UBE2R2: variants seen among roughly 807,000 people sequenced by gnomAD.
UBE2R2 encodes the protein ubiquitin-conjugating enzyme E2 R2.
Under a neutral mutation model 27.8 loss-of-function variants are expected in UBE2R2, and 1 was observed. That is an observed-to-expected ratio of 0.04 (90% CI 0.01 to 0.17). The LOEUF (loss-of-function observed/expected upper bound fraction) is 0.17, where lower values mean the gene tolerates loss of function less well. Ranked by LOEUF, UBE2R2 falls within the 10% of genes least tolerant of loss-of-function variation. The probability of loss-of-function intolerance (pLI) is 1.00; values close to 1 mark genes in which losing one functional copy is unlikely to be tolerated. For missense variants in UBE2R2, 100 were observed against 291.0 expected (o/e 0.34, Z 4.78); for synonymous variants, 106 against 113.3 (o/e 0.94, Z 0.41).
intron 1 of UBE2R2, among the ~76,000 whole-genome samples, chr9:33,841,816 A>G (rs138319586): frequency 2.0e-5 from 3 of 152,236 alleles, no homozygotes; most frequent in East Asian, 3.9e-4. Context: ...TTTCTCGTAT[A>G]TTACACAGTA....
chr9:33,874,927 C>CA (rs1314507056), intron 1 of UBE2R2, among the ~76,000 whole-genome samples: 3 of 152,016 alleles, frequency 2.0e-5, no homozygotes, highest in Non-Finnish European at 2.9e-5. Flanking sequence ...CTCAGCCTCG[C>CA]AAGGTGCTGG....
chr9:33,822,883 T>G (rs1305228074), intron 1 of UBE2R2, among the ~76,000 whole-genome samples: 2 of 150,980 alleles, frequency 1.3e-5, no homozygotes, highest in Non-Finnish European at 2.9e-5. Flanking sequence ...TATTTCTTTT[T>G]TTTCTTTTTC....
chr9:33,843,676 A>G (rs560981959), intron 1 of UBE2R2, among the ~76,000 whole-genome samples: 1 of 152,046 alleles, frequency 6.6e-6, no homozygotes, highest in South Asian at 2.1e-4. Context: ...ATGGGGTTTC[A>G]CCATGTTGTC....
chr9:33,886,910 C>T lies in UBE2R2; in HGVS notation c.207C>T (p.Pro69=), dbSNP rs754546514. The T allele has an allele frequency of 2.5e-6, 4 of 1,600,798 alleles. No homozygotes were observed. The African/African-American group carries it at 5.4e-5, about 22-fold the overall frequency. Residue 69 remains proline (P), a synonymous_variant, in exon 2 of 5, where the codon CCC becomes CCT. Transcript: ENST00000263228. ...KAHIKFPIDY[P]YSPPTFRFLT... ...ATATTAAATTTCCTATTGACTACCC[C>T]TATTCACCACCTACCTTCAGATTCT...
intron 1 of UBE2R2, among the ~76,000 whole-genome samples, chr9:33,862,846 CTTTTA>C (rs61610127): frequency 0.079 from 11,948 of 152,122 alleles, 659 homozygotes; most frequent in Non-Finnish European, 0.12. Flanking sequence ...AATTGTTTAA[CTTTTA>C]TTTTATAAAA....
At chr9:33,849,339 C>A (rs963082147) in intron 1 of UBE2R2, among the ~76,000 whole-genome samples, 4 of 152,068 alleles carry the variant, frequency 2.6e-5, no homozygotes, top group Non-Finnish European at 1.5e-5. Context: ...ATATCCTTAT[C>A]TTTTTGTGTG....
intron 1 of UBE2R2, among the ~76,000 whole-genome samples, chr9:33,873,458 T>A (rs1821532106): frequency 6.6e-6 from 1 of 152,176 alleles, no homozygotes. Flanking sequence ...AATAAAAGGT[T>A]ACTGCAGAAA....
At chr9:33,890,479 ATCGGC>A (rs1821955146) in intron 2 of UBE2R2, among the ~76,000 whole-genome samples, 1 of 152,132 alleles carries the variant, frequency 6.6e-6, no homozygotes, top group Non-Finnish European at 1.5e-5. Flanking sequence ...AGGCAGGAGA[ATCGGC>A]TTGAACCCGG....
intron 1 of UBE2R2, among the ~76,000 whole-genome samples, chr9:33,842,974 C>T (rs906653450): frequency 5.0e-5 from 7 of 140,840 alleles, no homozygotes; most frequent in African/African-American, 1.1e-4. Context: ...AGGCTGTGAT[C>T]GTGCTACTGC....
chr9:33,881,492 CT>C (rs1821731525), intron 1 of UBE2R2, among the ~76,000 whole-genome samples: 1 of 152,188 alleles, frequency 6.6e-6, no homozygotes, highest in Admixed American at 6.6e-5. Flanking sequence ...ATATCATCAT[CT>C]TATTTCAGAG....
Position 33,913,343 on chromosome 9 carries a change from C to G in UBE2R2, c.497+1245C>G, listed in dbSNP as rs373812456. 1.0e-3 allele frequency among the ~76,000 whole-genome samples: 157 copies of G among 152,288 alleles called. 2 individuals are homozygous for G. In the Middle Eastern group the frequency reaches 0.034, roughly 33 times the overall value. On this transcript the variant is annotated intron_variant, in intron 4 of 4. Coordinates refer to ENST00000263228, the MANE Select transcript of UBE2R2 (RefSeq NM_017811.4). ...CAATGGTGTGATTACATGGTAACTT[C>G]AAATTCCCGGGCTCAGGCAGTCCTC...
rs527271345 is a variant in UBE2R2, at chr9:33,818,021, A to T, written c.177+87A>T. On this transcript the variant is annotated intron_variant, in intron 1 of 4. Transcript: ENST00000263228. Reference sequence around the variant, plus strand: ...TTCTGCAGTTCCTGGGACCAGGAGTATGAGCACGGGCGAGTGGAGGGGGCT... The same window carrying T: ...TTCTGCAGTTCCTGGGACCAGGAGTTTGAGCACGGGCGAGTGGAGGGGGCT... The T allele has an allele frequency of 1.2e-4, 178 of 1,467,706 alleles. No homozygotes were observed. In the African/African-American group the frequency reaches 2.3e-3, roughly 19 times the overall value. 90.9% of individuals were successfully genotyped at this position (1,467,706 alleles called of 1,614,324 possible). A position where few individuals can be genotyped will look rare whatever the true frequency, so the allele number is the denominator to read the frequency against.
At chr9:33,830,287 C>T (rs1205416845) in intron 1 of UBE2R2, among the ~76,000 whole-genome samples, 4 of 149,946 alleles carry the variant, frequency 2.7e-5, no homozygotes, top group Non-Finnish European at 4.4e-5. Context: ...CCTCCCGAGT[C>T]GCTGGGACTA....
intron 4 of UBE2R2, among the ~76,000 whole-genome samples, chr9:33,912,599 G>A (rs1822518058): frequency 6.6e-6 from 1 of 151,422 alleles, no homozygotes. Flanking sequence ...ACTCCAGCCT[G>A]GGCGACAGTG....
intron 1 of UBE2R2, among the ~76,000 whole-genome samples, chr9:33,827,779 T>C (rs1466892481): frequency 6.6e-6 from 1 of 152,028 alleles, no homozygotes; most frequent in African/African-American, 2.4e-5. Context: ...AAGACCAGCC[T>C]GACCAACATG....
At chr9:33,831,064 A>C (rs1185722728) in intron 1 of UBE2R2, 1 of 137,938 alleles carries the variant, frequency 7.2e-6, no homozygotes, top group Admixed American at 7.9e-5. Flanking sequence ...CCTCTGTTTC[A>C]CTGAACTAGC....
chr9:33,856,131 G>A (rs1821095809), intron 1 of UBE2R2, among the ~76,000 whole-genome samples: 1 of 152,158 alleles, frequency 6.6e-6, no homozygotes. Flanking sequence ...GCAAGCAAGG[G>A]ACAGGGAATG....
intron 1 of UBE2R2, among the ~76,000 whole-genome samples, chr9:33,874,858 G>C (rs1028907215): frequency 6.6e-6 from 1 of 151,934 alleles, no homozygotes; most frequent in Non-Finnish European, 1.5e-5. Flanking sequence ...TAGAGTTGGG[G>C]GTCTCGCTAT....
At chr9:33,915,750 A>G (rs1014806505) in intron 4 of UBE2R2, among the ~76,000 whole-genome samples, 1 of 152,198 alleles carries the variant, frequency 6.6e-6, no homozygotes, top group Non-Finnish European at 1.5e-5. Flanking sequence ...ATTTACGCTC[A>G]CATTCAAATA....
Sources: allele counts gnomAD v4.1 joint callset (sites outside exome capture counted in the v4.1 genomes callset), GRCh38; gene constraint gnomAD v4.1.1; transcripts MANE v1.5; gene names NCBI Gene and HGNC (gene_info 2026-07-23, HGNC 2026-07-21).